DLG2: variants seen among roughly 807,000 people sequenced by gnomAD.
DLG2 encodes disks large homolog 2.
In DLG2, 45 loss-of-function variants were observed where a neutral mutation model predicts 132.5. The observed-to-expected ratio is 0.34, with a 90% confidence interval of 0.27 to 0.44. The LOEUF is 0.44. Ranked by LOEUF, DLG2 falls within the 20% of genes least tolerant of loss-of-function variation. DLG2 has a pLI of 1.00. For missense variants in DLG2, 1,045 were observed against 1,196.9 expected, an observed-to-expected ratio of 0.87 and a Z score of 1.87; for synonymous variants, 424 against 419.6, an observed-to-expected ratio of 1.01 and a Z score of -0.13.
intron 15 of DLG2, among the ~76,000 whole-genome samples, chr11:83,914,318 A>G (rs925339671): frequency 5.3e-5 from 8 of 152,122 alleles, no homozygotes; most frequent in Non-Finnish European, 8.8e-5. Flanking sequence ...CCCCTCTGCT[A>G]GAAGCAGATG....
rs148991225 is a variant in DLG2 at position 85,382,480 on chromosome 11, A to G, written c.41-97115T>C. Among the ~76,000 whole-genome samples the G allele has an allele frequency of 1.4e-3, 211 of 152,268 alleles. 1 individual carries two copies. In the East Asian group the frequency reaches 0.035, roughly 25 times the overall value. Reference sequence around the variant, plus strand: ...GAGTGAACTATTTCTTAGACACATCAAAAGCATAAGCAACCCAAAAAATAT... The same window carrying G: ...GAGTGAACTATTTCTTAGACACATCGAAAGCATAAGCAACCCAAAAAATAT... On this transcript the variant is annotated intron_variant, in intron 3 of 27. Transcript: ENST00000376104.
chr11:83,799,171 G>A (rs1473785385), intron 17 of DLG2, among the ~76,000 whole-genome samples: 1 of 152,202 alleles, frequency 6.6e-6, no homozygotes, highest in Non-Finnish European at 1.5e-5. Context: ...GGAAACTACA[G>A]ATATCACATT....
intron 6 of DLG2, among the ~76,000 whole-genome samples, chr11:85,023,405 T>C (rs1043485400): frequency 1.3e-5 from 2 of 152,160 alleles, no homozygotes; most frequent in Middle Eastern, 3.4e-3. Context: ...AACTTAAAAT[T>C]TGTGTAACAG....
intron 7 of DLG2, among the ~76,000 whole-genome samples, chr11:84,401,566 A>C (rs1218269140): frequency 6.6e-6 from 1 of 152,094 alleles, no homozygotes; most frequent in African/African-American, 2.4e-5. Flanking sequence ...TCTTTAGTAC[A>C]TTTAATTAAT....
At chr11:85,203,223 C>A (rs2081598980) in intron 4 of DLG2, among the ~76,000 whole-genome samples, 1 of 150,438 alleles carries the variant, frequency 6.6e-6, no homozygotes, top group Admixed American at 6.6e-5. Flanking sequence ...TAAAAAAATA[C>A]AAAAGATCAA....
At chr11:84,721,482 T>G (rs1387731676) in intron 6 of DLG2, among the ~76,000 whole-genome samples, 2 of 151,780 alleles carry the variant, frequency 1.3e-5, no homozygotes, top group African/African-American at 2.4e-5. Context: ...ACAAGACTGA[T>G]GGATGTTTTA....
chr11:84,362,225 G>A (rs1040602439), intron 7 of DLG2, among the ~76,000 whole-genome samples: 7 of 151,790 alleles, frequency 4.6e-5, no homozygotes, highest in African/African-American at 1.7e-4. Context: ...TATTTCTCAC[G>A]CCCAGTTCAG....
intron 7 of DLG2, among the ~76,000 whole-genome samples, chr11:84,421,085 A>G (rs1427090321): frequency 1.3e-5 from 2 of 152,118 alleles, no homozygotes; most frequent in Non-Finnish European, 2.9e-5. Context: ...TGGTACTCTT[A>G]TAAGTTAGTT....
chr11:83,611,888 C>A lies in DLG2; in HGVS notation c.1940+21323G>T, dbSNP rs562024701. Among the ~76,000 whole-genome samples, 15 of 152,214 alleles carry A rather than the reference C, an allele frequency of 9.9e-5. No individual in the cohort carries two copies. The South Asian group carries it at 1.0e-3, about 11-fold the overall frequency. On this transcript the variant is annotated intron_variant, in intron 19 of 27. Coordinates refer to ENST00000376104, the MANE Select transcript of DLG2 (RefSeq NM_001142699.3). ...TTTCTGCTTTTCAGTTCTCCAGGAGCCAGTTTACCTTTAGCTGCTTTTGAA... is the reference window on the plus strand; with the variant it reads ...TTTCTGCTTTTCAGTTCTCCAGGAGACAGTTTACCTTTAGCTGCTTTTGAA...
intron 3 of DLG2, among the ~76,000 whole-genome samples, chr11:85,527,568 T>C (rs2074876011): frequency 6.6e-6 from 1 of 152,212 alleles, no homozygotes; most frequent in African/African-American, 2.4e-5. Flanking sequence ...AGTATGTATG[T>C]GCCACATTTT....
chr11:83,871,967 A>C (rs929825551), intron 16 of DLG2, among the ~76,000 whole-genome samples: 2 of 152,084 alleles, frequency 1.3e-5, no homozygotes, highest in Non-Finnish European at 2.9e-5. Flanking sequence ...TTTTATTTTT[A>C]AAAATTGGTG....
At chr11:85,330,792 TAAAAAAAA>T (rs56995757) in intron 3 of DLG2, among the ~76,000 whole-genome samples, 5 of 116,474 alleles carry the variant, frequency 4.3e-5, no homozygotes, top group Middle Eastern at 4.9e-3. Flanking sequence ...AAAAAAAAAT[TAAAAAAAA>T]AAAAAAAAAA....
At chr11:84,850,848 G>T (rs1566147099) in intron 6 of DLG2, among the ~76,000 whole-genome samples, 1 of 151,874 alleles carries the variant, frequency 6.6e-6, no homozygotes, top group African/African-American at 2.4e-5. Flanking sequence ...ATAAGTAAAA[G>T]ACTTGTATAC....
chr11:84,173,810 A>G (rs115904810), intron 8 of DLG2, among the ~76,000 whole-genome samples: 1,565 of 152,194 alleles, frequency 0.01, 26 homozygotes, highest in African/African-American at 0.036. Context: ...GCTTTCATAC[A>G]GTATTTGGCA....
chr11:84,655,446 G>T (rs2099687007), intron 6 of DLG2, among the ~76,000 whole-genome samples: 1 of 152,148 alleles, frequency 6.6e-6, no homozygotes, highest in Non-Finnish European at 1.5e-5. Context: ...TATCCTGAGT[G>T]ATTTACTAGA....
At position 85,283,362 on chromosome 11, in the gene DLG2, A is replaced by T. The variant is rs58464081; in HGVS notation, c.186+1858T>A. The stretch of plus-strand genomic sequence containing the variant: ...GAATACTTAACTAGTCCTAGAATGA[A>T]GAAAGATAAAGCAAAGAAGAAAGAA... On this transcript the variant is annotated intron_variant, in intron 4 of 27. Transcript: ENST00000376104. Among the ~76,000 whole-genome samples, 7 of 151,970 alleles carry T rather than the reference A, an allele frequency of 4.6e-5. 1 individual carries two copies. In the South Asian group the frequency reaches 1.4e-3, roughly 31 times the overall value.
intron 12 of DLG2, among the ~76,000 whole-genome samples, chr11:83,974,366 A>T (rs943688833): frequency 6.6e-6 from 1 of 152,052 alleles, no homozygotes; most frequent in Non-Finnish European, 1.5e-5. Flanking sequence ...AAAGTATTTC[A>T]TGGCTTTACT....
intron 19 of DLG2, among the ~76,000 whole-genome samples, chr11:83,581,948 C>CTTTTTTTTTTTTTTTT (rs71849863): frequency 3.8e-5 from 2 of 52,638 alleles, no homozygotes; most frequent in Non-Finnish European, 6.3e-5. Context: ...AGTTTGGACT[C>CTTTTTTTTTTTTTTTT]TTTTTTTTTT....
chr11:83,738,541 A>T (rs376222390), intron 18 of DLG2, among the ~76,000 whole-genome samples: 1 of 152,078 alleles, frequency 6.6e-6, no homozygotes. Context: ...TTTAGTTCCA[A>T]TTTCCTCTGC....
Sources: gnomAD v4.1 joint callset for allele counts (sites outside exome capture counted in the v4.1 genomes callset) on GRCh38, gnomAD v4.1.1 for gene constraint, MANE v1.5 for transcripts, NCBI Gene and HGNC (gene_info 2026-07-23, HGNC 2026-07-21) for gene names.